CUX1: variants seen among roughly 807,000 people sequenced by gnomAD.
CUX1 encodes cut like homeobox 1, also known as protein CASP.
Under a neutral mutation model 158.8 loss-of-function variants are expected in CUX1, and 31 were observed. That is an observed-to-expected ratio of 0.20 (90% CI 0.15 to 0.26). The LOEUF is 0.26. Ranked by LOEUF, CUX1 falls within the 10% of genes least tolerant of loss-of-function variation. CUX1 has a pLI of 1.00. For missense variants in CUX1, 1,589 were observed against 2,014.6 expected (o/e 0.79, Z 4.04); for synonymous variants, 879 against 862.1 (o/e 1.02, Z -0.34).
At chr7:102,208,346 C>T (rs567148785) in intron 20 of CUX1, among the ~76,000 whole-genome samples, 8 of 152,250 alleles carry the variant, frequency 5.3e-5, no homozygotes, top group Non-Finnish European at 1.2e-4. Context: ...TGGGTTCAGG[C>T]GATTCTCCTG....
chr7:101,857,224 C>T (rs1193676292), intron 1 of CUX1, among the ~76,000 whole-genome samples: 1 of 152,258 alleles, frequency 6.6e-6, no homozygotes, highest in African/African-American at 2.4e-5. Context: ...CTGTGCTTGA[C>T]TCTGAAACCC....
Position 102,131,090 on chromosome 7 carries a change from CAG to C in CUX1, c.674+15820_674+15821del, listed in dbSNP as rs762254230. ...TGCCACTGCATTTCAGCCTGGTCAA[CAG>C]AGTGAGACTCCATCTCAAAAAAAAA... is the stretch of plus-strand genomic sequence containing the variant. On this transcript the variant is annotated intron_variant, in intron 8 of 23. Coordinates refer to ENST00000292535, the MANE Select transcript of CUX1 (RefSeq NM_181552.4). Among the ~76,000 whole-genome samples, 20 of 139,980 alleles carry C rather than the reference CAG, an allele frequency of 1.4e-4. 1 individual carries two copies. Among genetic ancestry groups the C allele is most frequent in the Non-Finnish European group, 2.9e-4 (19 of 66,040 alleles). The allele number at this position is 139,980 out of a possible 152,430, so 91.8% of individuals were successfully genotyped here. A position where few individuals can be genotyped will look rare whatever the true frequency, so the allele number is the denominator to read the frequency against.
chr7:101,945,488 T>A (rs1445042257), intron 2 of CUX1, among the ~76,000 whole-genome samples: 1 of 152,230 alleles, frequency 6.6e-6, no homozygotes. Flanking sequence ...CTCATGGAAA[T>A]GCCTTGTGTA....
chr7:101,929,171 G>A (rs932837344), intron 2 of CUX1, among the ~76,000 whole-genome samples: 38 of 151,874 alleles, frequency 2.5e-4, no homozygotes, highest in Admixed American at 1.6e-3. Flanking sequence ...GTGAGACTCC[G>A]TCTCAAAATA....
At chr7:102,116,139 C>T (rs1040108794) in intron 8 of CUX1, among the ~76,000 whole-genome samples, 3 of 152,188 alleles carry the variant, frequency 2.0e-5, no homozygotes, top group Admixed American at 6.5e-5. Context: ...GCGCCGCTGT[C>T]CCACCAGGCT....
chr7:102,007,319 T>C (rs938588157), intron 2 of CUX1, among the ~76,000 whole-genome samples: 1 of 152,130 alleles, frequency 6.6e-6, no homozygotes, highest in African/African-American at 2.4e-5. Context: ...CCCTCGGCTC[T>C]TCCACAGGTC....
intron 1 of CUX1, among the ~76,000 whole-genome samples, chr7:101,867,853 T>C (rs2970497): frequency 0.56 from 84,758 of 151,452 alleles, 24,454 homozygotes; most frequent in East Asian, 0.89. Context: ...CTTGCTGTGT[T>C]GCCCAGGCTG....
intron 3 of CUX1, among the ~76,000 whole-genome samples, chr7:102,063,774 CA>C (rs1293797150): frequency 6.6e-6 from 1 of 152,192 alleles, no homozygotes; most frequent in Non-Finnish European, 1.5e-5. Context: ...GCAGACCATG[CA>C]GTTGGCCATT....
chr7:102,169,647 A>G (rs570084502), intron 9 of CUX1, among the ~76,000 whole-genome samples: 2 of 152,304 alleles, frequency 1.3e-5, no homozygotes, highest in East Asian at 1.9e-4. Flanking sequence ...GTAACTTGCC[A>G]TGGTATGTCT....
chr7:102,112,240 CTCTT>C, intron 7 of CUX1, among the ~76,000 whole-genome samples: 1 of 131,424 alleles, frequency 7.6e-6, no homozygotes, highest in South Asian at 2.4e-4. Context: ...CTTTCTCTCT[CTCTT>C]TTTTTTTTTT....
chr7:101,898,585 CTTTTT>C (rs67714464), intron 1 of CUX1, among the ~76,000 whole-genome samples: 3 of 115,450 alleles, frequency 2.6e-5, no homozygotes, highest in South Asian at 5.7e-4. Flanking sequence ...ATTTCTGTGT[CTTTTT>C]TTTTTTTTTT....
intron 6 of CUX1, among the ~76,000 whole-genome samples, chr7:102,106,368 G>A (rs1446384168): frequency 1.3e-5 from 2 of 152,122 alleles, no homozygotes; most frequent in African/African-American, 2.4e-5. Flanking sequence ...GATTACAGGC[G>A]TGAGCCACCG....
At chr7:102,157,734 C>T (rs1789931282) in intron 8 of CUX1, among the ~76,000 whole-genome samples, 1 of 152,126 alleles carries the variant, frequency 6.6e-6, no homozygotes, top group Admixed American at 6.5e-5. Flanking sequence ...GAGCCGAGAT[C>T]TCATCATTGC....
intron 4 of CUX1, among the ~76,000 whole-genome samples, chr7:102,095,957 A>G (rs1554483969): frequency 6.6e-6 from 1 of 152,264 alleles, no homozygotes; most frequent in East Asian, 1.9e-4. Flanking sequence ...GCGGAAGAAC[A>G]TTTAAGGTCT....
intron 4 of CUX1, among the ~76,000 whole-genome samples, chr7:102,075,317 G>A (rs1037864686): frequency 3.3e-5 from 5 of 152,096 alleles, no homozygotes; most frequent in Non-Finnish European, 5.9e-5. Context: ...CTGGCTAATC[G>A]CCACCGACCC....
intron 4 of CUX1, among the ~76,000 whole-genome samples, chr7:102,079,363 G>A (rs1554477713): frequency 6.6e-6 from 1 of 152,012 alleles, no homozygotes; most frequent in African/African-American, 2.4e-5. Context: ...GCTTGAACCT[G>A]GGAGGCGGAG....
chr7:102,205,022 G>A lies in CUX1; in HGVS notation c.3074-92G>A, dbSNP rs1242242866. The stretch of plus-strand genomic sequence containing the variant: ...TGCCCGCCCCTCCCCAGGAGGAATG[G>A]GAAGCCTCCCCGGGCCTTGCCACAT... On this transcript the variant is annotated intron_variant, in intron 19 of 23. Transcript: ENST00000292535. The A allele has an allele frequency of 7.7e-6, 7 of 910,512 alleles. No individual in the cohort carries two copies. In the East Asian group the frequency reaches 7.7e-5, roughly 10 times the overall value. The allele number at this position is 910,512 out of a possible 1,614,324, so 56.4% of individuals were successfully genotyped here. A position where few individuals can be genotyped will look rare whatever the true frequency, so the allele number is the denominator to read the frequency against.
chr7:101,845,357 C>T (rs1237734938), intron 1 of CUX1, among the ~76,000 whole-genome samples: 2 of 152,024 alleles, frequency 1.3e-5, no homozygotes, highest in South Asian at 4.1e-4. Context: ...AGACTGGCCA[C>T]GAATTGGCGA....
chr7:101,906,603 G>A (rs1023420849), intron 1 of CUX1, among the ~76,000 whole-genome samples: 2 of 151,962 alleles, frequency 1.3e-5, no homozygotes, highest in Non-Finnish European at 1.5e-5. Flanking sequence ...GGCAGGGCGC[G>A]CCCCGTGTCC....
Sources: gnomAD v4.1 joint callset for allele counts (sites outside exome capture counted in the v4.1 genomes callset) on GRCh38, gnomAD v4.1.1 for gene constraint, MANE v1.5 for transcripts, NCBI Gene and HGNC (gene_info 2026-07-23, HGNC 2026-07-21) for gene names.